The following DGKG variants were observed in gnomAD, a reference collection of about 807,000 sequenced individuals.
The protein encoded by DGKG is diacylglycerol kinase gamma.
Under a neutral mutation model 105.3 loss-of-function variants are expected in DGKG, and 78 were observed. That is an observed-to-expected ratio of 0.74 (90% CI 0.62 to 0.89). The LOEUF (loss-of-function observed/expected upper bound fraction) is 0.89, where lower values mean the gene tolerates loss of function less well. DGKG is among the 40% of genes least tolerant of loss of function. The pLI, the probability that DGKG is intolerant of heterozygous loss-of-function variation, is 0.00. For synonymous variants in DGKG, 346 were observed against 367.1 expected (o/e 0.94, Z 0.66); for missense variants, 958 against 1,020.1 (o/e 0.94, Z 0.83).
At chr3:186,285,730 A>G (rs1191203155) in intron 6 of DGKG, among the ~76,000 whole-genome samples, 11 of 142,038 alleles carry the variant, frequency 7.7e-5, no homozygotes, top group African/African-American at 2.9e-4. Context: ...CCCAGGCTGG[A>G]GTGCAATGGC....
intron 22 of DGKG, among the ~76,000 whole-genome samples, chr3:186,175,246 C>T (rs1394653613): frequency 6.6e-6 from 1 of 152,128 alleles, no homozygotes; most frequent in Non-Finnish European, 1.5e-5. Flanking sequence ...GGTAGGAGAC[C>T]TCACCTGTTC....
intron 20 of DGKG, among the ~76,000 whole-genome samples, chr3:186,213,639 T>C (rs1010782041): frequency 3.9e-5 from 6 of 152,146 alleles, no homozygotes; most frequent in East Asian, 1.9e-4. Context: ...TTCTCAAACA[T>C]TGGTATTTAT....
chr3:186,335,373 G>T (rs1001868725), intron 1 of DGKG, among the ~76,000 whole-genome samples: 2 of 152,152 alleles, frequency 1.3e-5, no homozygotes, highest in African/African-American at 4.8e-5. Flanking sequence ...TTTCTCATTT[G>T]ATAATTGTGG....
At chr3:186,192,883 A>G (rs1418480113) in intron 21 of DGKG, among the ~76,000 whole-genome samples, 1 of 152,202 alleles carries the variant, frequency 6.6e-6, no homozygotes, top group East Asian at 1.9e-4. Flanking sequence ...AAAGTACATC[A>G]CCAGCACAGT....
rs1722175635 is a variant in DGKG, at chr3:186,268,742, CTGCAGCTTGGGCA to C, written c.1116+46_1116+58del. The C allele has an allele frequency of 3.2e-6, 4 of 1,254,116 alleles. No homozygotes were observed. The African/African-American group carries it at 5.8e-5, about 18-fold the overall frequency. 77.7% of individuals were successfully genotyped at this position (1,254,116 alleles called of 1,614,324 possible). A position where few individuals can be genotyped will look rare whatever the true frequency, so the allele number is the denominator to read the frequency against. On this transcript the variant is annotated intron_variant, in intron 12 of 24. Transcript: ENST00000265022. ...TGGCCGGATATTCACTGCTCCTGGG[CTGCAGCTTGGGCA>C]AAAAAACGTTGAAAAGAAGCAGGGC...
chr3:186,207,521 C>T (rs1718804330), intron 21 of DGKG: 1 of 984,916 alleles, frequency 1.0e-6, no homozygotes, highest in Non-Finnish European at 1.2e-6. Context: ...AGCACCACTG[C>T]CAGTTACATA....
At chr3:186,162,533 C>G (rs1460931517) in intron 23 of DGKG, among the ~76,000 whole-genome samples, 1 of 152,110 alleles carries the variant, frequency 6.6e-6, no homozygotes, top group East Asian at 1.9e-4. Context: ...TAACCTCAGT[C>G]CTGGTTTTTG....
chr3:186,202,983 A>G (rs2108512305), intron 21 of DGKG, among the ~76,000 whole-genome samples: 1 of 152,350 alleles, frequency 6.6e-6, no homozygotes, highest in East Asian at 1.9e-4. Context: ...ATGGAAAAGA[A>G]CCGGAAAATA....
rs1007882061 is a variant in DGKG at position 186,212,685 on chromosome 3, C to T, written c.1827-800G>A. The stretch of plus-strand genomic sequence containing the variant: ...TGCAAAGTCAGATGGTGTGTCCTGA[C>T]ACTTGGTGCTTTTGATCAGATGGTC... On this transcript the variant is annotated intron_variant, in intron 20 of 24. Coordinates refer to ENST00000265022, the MANE Select transcript of DGKG (RefSeq NM_001346.3). 2.6e-5 allele frequency among the ~76,000 whole-genome samples: 4 copies of T among 152,140 alleles called. No individual in the cohort carries two copies. In the East Asian group the frequency reaches 7.7e-4, roughly 29 times the overall value.
chr3:186,297,333 A>T, intron 5 of DGKG, 88 bp downstream of exon 5: 2 of 981,338 alleles, frequency 2.0e-6, no homozygotes. Flanking sequence ...TTATATGAAG[A>T]CAGCACTGTT....
intron 23 of DGKG, among the ~76,000 whole-genome samples, chr3:186,162,192 G>C (rs1013388470): frequency 3.3e-5 from 5 of 152,198 alleles, no homozygotes; most frequent in African/African-American, 9.7e-5. Flanking sequence ...CACTGCGCTC[G>C]GCCGGGTCTG....
At chr3:186,174,490 C>T (rs958048739) in intron 22 of DGKG, among the ~76,000 whole-genome samples, 2 of 152,106 alleles carry the variant, frequency 1.3e-5, no homozygotes, top group Non-Finnish European at 2.9e-5. Context: ...AAGAGAAAGG[C>T]AGAGAGACGG....
Position 186,148,925 on chromosome 3 carries a change from T to C in DGKG, c.*1165A>G. The stretch of plus-strand genomic sequence containing the variant: ...TCTCATACTACCTATGTTTTTTTTT[T>C]CCAATGAGGAAAAGTCCATCAGTAA... On this transcript the variant is annotated 3_prime_UTR_variant, in exon 25 of 25. Transcript: ENST00000265022. 2 of 970,248 alleles carry C rather than the reference T, an allele frequency of 2.1e-6. No individual in the cohort carries two copies. Among genetic ancestry groups the C allele is most frequent in the Non-Finnish European group, 2.4e-6 (2 of 819,626 alleles). 60.1% of individuals were successfully genotyped at this position (970,248 alleles called of 1,614,324 possible).
At chr3:186,235,181 G>C (rs1353805630) in intron 20 of DGKG, among the ~76,000 whole-genome samples, 1 of 152,152 alleles carries the variant, frequency 6.6e-6, no homozygotes, top group East Asian at 1.9e-4. Context: ...TGTCAGAATT[G>C]ACTTGAAAAT....
In DGKG at chr3:186,231,739, T is replaced by C. The variant is rs928035100; in HGVS notation, c.1826+10765A>G. ...TTTGAGACCAGCCTGGCCAACATGG[T>C]GAAACCCGCTCTCTACTAAAAATAC... is the stretch of plus-strand genomic sequence containing the variant. On this transcript the variant is annotated intron_variant, in intron 20 of 24. Coordinates refer to ENST00000265022, the MANE Select transcript of DGKG (RefSeq NM_001346.3). The surrounding 1 kb of genome is among the most constrained non-coding windows in gnomAD (Gnocchi z 4.5). Among the ~76,000 whole-genome samples, 22 of 151,970 alleles carry C rather than the reference T, an allele frequency of 1.4e-4. No homozygotes were observed. Among genetic ancestry groups the C allele is most frequent in the Non-Finnish European group, 2.2e-4 (15 of 67,970 alleles).
chr3:186,149,134 C>T lies in DGKG; in HGVS notation c.*956G>A, dbSNP rs988724192. The T allele has an allele frequency of 3.0e-6, 3 of 985,198 alleles. No individual in the cohort carries two copies. The African/African-American group carries it at 5.2e-5, about 17-fold the overall frequency. 61.0% of individuals were successfully genotyped at this position (985,198 alleles called of 1,614,324 possible). On this transcript the variant is annotated 3_prime_UTR_variant, in exon 25 of 25. Coordinates refer to ENST00000265022, the MANE Select transcript of DGKG (RefSeq NM_001346.3). ...TCTCCTGGTTTCCCCAGCAAAGTTC[C>T]TTCCTTCCCATCTTTTCTGCCTTCA... is the stretch of plus-strand genomic sequence containing the variant.
At chr3:186,326,986 C>T (rs1366813358) in intron 1 of DGKG, among the ~76,000 whole-genome samples, 1 of 152,082 alleles carries the variant, frequency 6.6e-6, no homozygotes, top group Non-Finnish European at 1.5e-5. Context: ...GGCAAAACCC[C>T]GTCTTTACAA....
chr3:186,175,425 A>C (rs1004289694), intron 22 of DGKG, among the ~76,000 whole-genome samples: 1 of 152,148 alleles, frequency 6.6e-6, no homozygotes, highest in African/African-American at 2.4e-5. Context: ...ATCTTCTGGG[A>C]TTCTCCAGGG....
intron 22 of DGKG, among the ~76,000 whole-genome samples, chr3:186,181,157 T>G (rs1045207211): frequency 6.6e-6 from 1 of 152,232 alleles, no homozygotes; most frequent in Non-Finnish European, 1.5e-5. Context: ...TATGCCTGTC[T>G]GTGGGGTTAT....
Sources: gnomAD v4.1 joint callset for allele counts (sites outside exome capture counted in the v4.1 genomes callset) on GRCh38, gnomAD v4.1.1 for gene constraint, Gnocchi (gnomAD v3.1) non-coding constraint, MANE v1.5 for transcripts, NCBI Gene and HGNC (gene_info 2026-07-23, HGNC 2026-07-21) for gene names.